Variants in ARHGAP21 observed in about 807,000 individuals in gnomAD.
ARHGAP21 encodes rho GTPase-activating protein 21.
ARHGAP21 carries 38 observed loss-of-function variants against 164.6 expected under a neutral mutation model. The observed-to-expected ratio is 0.23, with a 90% CI of 0.18 to 0.30. The LOEUF (loss-of-function observed/expected upper bound fraction) is 0.30. Among genes scored for constraint, ARHGAP21 ranks in the 10% least tolerant of loss-of-function variants. The probability of loss-of-function intolerance (pLI) is 1.00; values close to 1 mark genes in which losing one functional copy is unlikely to be tolerated. For synonymous variants in ARHGAP21, 766 were observed against 857.9 expected, an observed-to-expected ratio of 0.89 and a Z score of 1.87; for missense variants, 1,822 against 2,370.7, an observed-to-expected ratio of 0.77 and a Z score of 4.81.
intron 4 of ARHGAP21, among the ~76,000 whole-genome samples, chr10:24,651,144 A>G (rs1285085506): frequency 3.3e-5 from 5 of 152,200 alleles, no homozygotes; most frequent in Non-Finnish European, 5.9e-5. Context: ...GAACTTGCCG[A>G]GGGGAAGACT....
chr10:24,671,372 T>C (rs72784289), intron 2 of ARHGAP21, among the ~76,000 whole-genome samples: 24,024 of 152,210 alleles, frequency 0.16, 2,426 homozygotes, highest in Middle Eastern at 0.34. Flanking sequence ...TCATTCATCC[T>C]AGATGACTAT....
intron 25 of ARHGAP21, among the ~76,000 whole-genome samples, chr10:24,587,286 T>A (rs779870637): frequency 6.6e-6 from 1 of 152,108 alleles, no homozygotes; most frequent in Non-Finnish European, 1.5e-5. Context: ...CATCTAGATA[T>A]AATAGGTTCT....
At chr10:24,676,314 G>A (rs1486741483) in intron 2 of ARHGAP21, among the ~76,000 whole-genome samples, 1 of 152,228 alleles carries the variant, frequency 6.6e-6, no homozygotes, top group Non-Finnish European at 1.5e-5. Context: ...GGTTCTGAGT[G>A]TACATGTGCA....
At chr10:24,676,993 G>C (rs1841315800) in intron 2 of ARHGAP21, among the ~76,000 whole-genome samples, 1 of 152,128 alleles carries the variant, frequency 6.6e-6, no homozygotes, top group South Asian at 2.1e-4. Flanking sequence ...TATGAGGTCA[G>C]GAGTTCGAGA....
At chr10:24,621,810 T>C (rs1834568264) in intron 8 of ARHGAP21, among the ~76,000 whole-genome samples, 1 of 150,798 alleles carries the variant, frequency 6.6e-6, no homozygotes, top group Non-Finnish European at 1.5e-5. Context: ...TAAGTACTAC[T>C]ACTATAATAA....
intron 12 of ARHGAP21, among the ~76,000 whole-genome samples, chr10:24,602,654 G>A (rs1361958839): frequency 1.3e-5 from 2 of 152,144 alleles, no homozygotes; most frequent in Non-Finnish European, 2.9e-5. Context: ...CTAGGCCATG[G>A]TAGGAAGTGT....
Position 24,629,984 on chromosome 10 carries a change from A to G in ARHGAP21, c.495+12T>C, listed in dbSNP as rs1475765247. ...CTGTAAAACAACTCATATATGAATA[A>G]ATAAAACTTACCACTTGGAGAATGT... On this transcript the variant is annotated intron_variant, in intron 7 of 25. Transcript: ENST00000396432. The G allele has an allele frequency of 5.2e-6, 8 of 1,538,432 alleles. No individual in the cohort carries two copies. Among genetic ancestry groups the G allele is most frequent in the Non-Finnish European group, 6.2e-6 (7 of 1,123,392 alleles).
intron 9 of ARHGAP21, among the ~76,000 whole-genome samples, chr10:24,614,052 C>CTTAGAA (rs1345814645): frequency 2.0e-5 from 3 of 152,180 alleles, no homozygotes; most frequent in Non-Finnish European, 4.4e-5. Flanking sequence ...ACAAATTCAA[C>CTTAGAA]ATTTACTTAG....
chr10:24,622,143 GTTT>G (rs1424812536), intron 8 of ARHGAP21, among the ~76,000 whole-genome samples: 4 of 151,936 alleles, frequency 2.6e-5, no homozygotes, highest in Non-Finnish European at 5.9e-5. Context: ...AGCCTAAATA[GTTT>G]TTTATCAACT....
chr10:24,603,429 G>GT (rs1374573700), intron 12 of ARHGAP21, among the ~76,000 whole-genome samples: 1 of 152,162 alleles, frequency 6.6e-6, no homozygotes, highest in Non-Finnish European at 1.5e-5. Flanking sequence ...AGAAACTATA[G>GT]TTTTTTCAAG....
intron 7 of ARHGAP21, among the ~76,000 whole-genome samples, chr10:24,628,387 T>G (rs1291664884): frequency 6.6e-6 from 1 of 152,096 alleles, no homozygotes; most frequent in African/African-American, 2.4e-5. Flanking sequence ...ATAGTTTACA[T>G]GTCAGTGAAT....
rs1004760196 is a variant in ARHGAP21 at position 24,584,347 on chromosome 10, T to C, written c.*65A>G. 4.0e-6 allele frequency: 6 copies of C among 1,493,522 alleles called. No homozygotes were observed. Among genetic ancestry groups the C allele is most frequent in the Non-Finnish European group, 5.4e-6 (6 of 1,113,712 alleles). The allele number at this position is 1,493,522 out of a possible 1,614,324, so 92.5% of individuals were successfully genotyped here. ...ATAACAATTCTGATACAAGAAAATA[T>C]TGACAGAGTTACTGGAACGTGTAAC... On this transcript the variant is annotated 3_prime_UTR_variant, in exon 26 of 26. Transcript: ENST00000396432.
chr10:24,719,858 A>G (rs981530006), intron 2 of ARHGAP21, among the ~76,000 whole-genome samples: 4 of 152,218 alleles, frequency 2.6e-5, no homozygotes. Context: ...GGCAATAATT[A>G]CACAAGTTCT....
intron 9 of ARHGAP21, among the ~76,000 whole-genome samples, chr10:24,619,021 T>C (rs944127199): frequency 2.0e-5 from 3 of 152,170 alleles, no homozygotes; most frequent in Non-Finnish European, 4.4e-5. Flanking sequence ...GCAAACTAAC[T>C]TGACAATGAA....
intron 2 of ARHGAP21, among the ~76,000 whole-genome samples, chr10:24,679,356 GCTT>G (rs775277690): frequency 3.5e-4 from 53 of 152,306 alleles, no homozygotes; most frequent in Non-Finnish European, 6.9e-4. Flanking sequence ...GTTTCCTGGG[GCTT>G]CTTTTTTATA....
At chr10:24,635,508 C>T (rs988052670) in intron 4 of ARHGAP21, among the ~76,000 whole-genome samples, 8 of 152,054 alleles carry the variant, frequency 5.3e-5, no homozygotes, top group Non-Finnish European at 8.8e-5. Context: ...ATTACACAGG[C>T]GGTACTCACT....
At chr10:24,665,321 G>A (rs61855018) in intron 4 of ARHGAP21, among the ~76,000 whole-genome samples, 1 of 151,432 alleles carries the variant, frequency 6.6e-6, no homozygotes, top group African/African-American at 2.4e-5. Context: ...AAAAAAAAAG[G>A]CCATTTCCTT....
At chr10:24,701,452 T>A (rs1270617757) in intron 2 of ARHGAP21, among the ~76,000 whole-genome samples, 3 of 152,222 alleles carry the variant, frequency 2.0e-5, no homozygotes, top group African/African-American at 7.2e-5. Context: ...ATGGCATGAT[T>A]GTTTTTCCCT....
chr10:24,593,737 A>AAACTGATGAATGATGTAATAG (rs2076444992), intron 21 of ARHGAP21, among the ~76,000 whole-genome samples: 1 of 152,170 alleles, frequency 6.6e-6, no homozygotes, highest in Non-Finnish European at 1.5e-5. Context: ...ACATTCAGCA[A>AAACTGATGAATGATGTAATAG]AACTGATGAA....
Sources: gnomAD v4.1 joint callset for allele counts (sites outside exome capture counted in the v4.1 genomes callset) on GRCh38, gnomAD v4.1.1 for gene constraint, MANE v1.5 for transcripts, NCBI Gene and HGNC (gene_info 2026-07-23, HGNC 2026-07-21) for gene names.